CEP78: variants seen among roughly 807,000 people sequenced by gnomAD.
The protein encoded by CEP78 is centrosomal protein 78, also known as centrosomal protein of 78 kDa.
In CEP78, 76 loss-of-function variants were observed where a neutral mutation model predicts 81.2. The observed-to-expected ratio is 0.94, with a 90% confidence interval of 0.78 to 1.13. The LOEUF (loss-of-function observed/expected upper bound fraction) is 1.13, where lower values mean the gene tolerates loss of function less well. CEP78 is among the 50% of genes most tolerant of loss of function. The probability of loss-of-function intolerance (pLI) is 0.00; values close to 1 mark genes in which losing one functional copy is unlikely to be tolerated. For missense variants in CEP78, 918 were observed against 846.8 expected (o/e 1.08, Z -1.04); for synonymous variants, 293 against 301.4 (o/e 0.97, Z 0.29).
intron 11 of CEP78, among the ~76,000 whole-genome samples, chr9:78,261,043 C>T (rs1010890516): frequency 6.6e-6 from 1 of 151,958 alleles, no homozygotes; most frequent in Non-Finnish European, 1.5e-5. Context: ...CTCTGCCTCC[C>T]GGGTTCAAGT....
intron 9 of CEP78, among the ~76,000 whole-genome samples, chr9:78,252,354 A>G (rs1826805206): frequency 6.6e-6 from 1 of 152,214 alleles, no homozygotes; most frequent in African/African-American, 2.4e-5. Flanking sequence ...TATAGGGCAG[A>G]AATAGGAATT....
intron 8 of CEP78, chr9:78,250,356 A>G (rs984337268): frequency 5.0e-6 from 2 of 397,652 alleles, no homozygotes; most frequent in Admixed American, 8.8e-5. Flanking sequence ...TCACATTCAT[A>G]TTGCAATTAC....
At chr9:78,267,804 A>G (rs1827598963) in intron 16 of CEP78, among the ~76,000 whole-genome samples, 1 of 152,156 alleles carries the variant, frequency 6.6e-6, no homozygotes, top group African/African-American at 2.4e-5. Flanking sequence ...TCTTTGGAGT[A>G]AATACCCCTC....
chr9:78,261,038 C>T (rs1178834256), intron 11 of CEP78, among the ~76,000 whole-genome samples: 1 of 152,018 alleles, frequency 6.6e-6, no homozygotes. Context: ...GCAACCTCTG[C>T]CTCCCGGGTT....
chr9:78,236,276 G>T lies in CEP78; in HGVS notation c.-75G>T. On this transcript the variant is annotated 5_prime_UTR_variant, in exon 1 of 17. Coordinates refer to ENST00000643273, the MANE Select transcript of CEP78 (RefSeq NM_001330691.3). The stretch of plus-strand genomic sequence containing the variant: ...TGGCCGTGGGTGCCGGAGCGGCCGG[G>T]TTGCGACTCAGCGTTCTTGGGTGGG... 1 of 1,370,786 alleles carries T rather than the reference G, an allele frequency of 7.3e-7. No homozygotes were observed. Among genetic ancestry groups the T allele is most frequent in the Non-Finnish European group, 9.9e-7 (1 of 1,012,204 alleles). 84.9% of individuals were successfully genotyped at this position (1,370,786 alleles called of 1,614,324 possible). A position where few individuals can be genotyped will look rare whatever the true frequency, so the allele number is the denominator to read the frequency against.
chr9:78,247,396 GGAA>G lies in CEP78; in HGVS notation c.892+616_892+618del, dbSNP rs1485272199. On this transcript the variant is annotated intron_variant, in intron 6 of 16. Transcript: ENST00000643273. ...GCAGATAAAGTACCTTCCAGGATGA[GGAA>G]GCAATGAATATGTAGTTACATAGGT... Among the ~76,000 whole-genome samples, 4 of 152,272 alleles carry G rather than the reference GGAA, an allele frequency of 2.6e-5. No individual in the cohort carries two copies. The East Asian group carries it at 7.7e-4, about 29-fold the overall frequency.
intron 4 of CEP78, among the ~76,000 whole-genome samples, chr9:78,242,411 G>A (rs1376991980): frequency 6.6e-6 from 1 of 152,194 alleles, no homozygotes; most frequent in Non-Finnish European, 1.5e-5. Flanking sequence ...TCTGAAGCCA[G>A]ATGGCCTAGG....
rs1286923000 is a variant in CEP78 at position 78,243,563 on chromosome 9, T to C, written c.705T>C (p.Asn235=). 3.1e-6 allele frequency: 5 copies of C among 1,613,778 alleles called. No individual in the cohort carries two copies. The African/African-American group carries it at 6.7e-5, about 22-fold the overall frequency. ...CMAGLRRITL[N]CNTLIGDLGA... is the part of the protein sequence containing the mutation. ...CTGGCTTAAGACGTATCACACTGAA[T>C]TGCAACACACTTATTGGTGACCTAG... Residue 235 remains asparagine (N), a synonymous_variant, in exon 5 of 17, where the codon AAT becomes AAC. Coordinates refer to ENST00000643273, the MANE Select transcript of CEP78 (RefSeq NM_001330691.3).
chr9:78,246,527 G>A (rs984244305), intron 5 of CEP78, 142 bp from the exon 6 acceptor site: 18 of 440,372 alleles, frequency 4.1e-5, no homozygotes, highest in Non-Finnish European at 6.5e-5. Context: ...GTGAACCTGG[G>A]AGGCAGAGCT....
chr9:78,238,782 C>T (rs979014162), intron 1 of CEP78, among the ~76,000 whole-genome samples: 98 of 152,176 alleles, frequency 6.4e-4, no homozygotes, highest in African/African-American at 2.2e-3. Context: ...AGGCCAGGTG[C>T]GGTGGCTCAC....
intron 6 of CEP78, among the ~76,000 whole-genome samples, chr9:78,247,959 T>C (rs148349055): frequency 1.3e-5 from 2 of 152,180 alleles, no homozygotes; most frequent in African/African-American, 4.8e-5. Context: ...GTATATTAGG[T>C]GCCTTTTAAG....
intron 6 of CEP78, 106 bp downstream of exon 6, chr9:78,246,888 ACACTTTTGTAATCTTG>A (rs1166438006): frequency 3.4e-6 from 2 of 589,188 alleles, no homozygotes; most frequent in Admixed American, 7.0e-5. Context: ...CCCTAATCTT[ACACTTTTGTAATCTTG>A]CACTTTCTTA....
At position 78,254,963 on chromosome 9, in the gene CEP78, A is replaced by T; in HGVS notation, c.1379A>T (p.Gln460Leu). ...EKTSIEQEAL[Q>L]EKLEECLKQL... Reference sequence around the variant, plus strand: ...ACTAGTATAGAACAAGAAGCATTACAGGTACAAAGCTATCACTTTAAAGAT... The same window carrying T: ...ACTAGTATAGAACAAGAAGCATTACTGGTACAAAGCTATCACTTTAAAGAT... The change falls in exon 11 of 17, where the codon CAG becomes CTG. Residue 460 changes from glutamine to leucine, a missense_variant and splice_region_variant. Transcript: ENST00000643273. The T allele has an allele frequency of 1.2e-6, 2 of 1,607,320 alleles. No individual in the cohort carries two copies. The highest frequency in any genetic ancestry group is 1.7e-6 in the Non-Finnish European group (2 of 1,176,046).
intron 4 of CEP78, 103 bp from the exon 5 acceptor site, chr9:78,243,359 G>T: frequency 4.5e-6 from 4 of 897,240 alleles, no homozygotes; most frequent in Non-Finnish European, 6.6e-6. Flanking sequence ...TATGTACCTG[G>T]TGTGTGTGTA....
At chr9:78,253,470 T>C (rs955556668) in intron 10 of CEP78, 193 bp downstream of exon 10, 8 of 519,672 alleles carry the variant, frequency 1.5e-5, no homozygotes, top group Non-Finnish European at 2.8e-5. Flanking sequence ...GGAGGCCTTG[T>C]GGTTTCATCT....
chr9:78,241,171 G>T (rs916383634), intron 3 of CEP78, among the ~76,000 whole-genome samples: 5 of 152,048 alleles, frequency 3.3e-5, no homozygotes, highest in African/African-American at 4.8e-5. Flanking sequence ...TCTTGTGTTC[G>T]TTGTGTGAAA....
At chr9:78,242,205 C>T (rs1407939098) in intron 4 of CEP78, among the ~76,000 whole-genome samples, 1 of 151,968 alleles carries the variant, frequency 6.6e-6, no homozygotes, top group African/African-American at 2.4e-5. Flanking sequence ...AGCCTATCAC[C>T]TATTTTTGTA....
At chr9:78,262,074 C>T (rs1827300326) in intron 11 of CEP78, among the ~76,000 whole-genome samples, 1 of 152,136 alleles carries the variant, frequency 6.6e-6, no homozygotes, top group Non-Finnish European at 1.5e-5. Flanking sequence ...GAATGCTCTT[C>T]CACATCAGAG....
chr9:78,237,376 ACTCT>A (rs1206556658), intron 1 of CEP78, among the ~76,000 whole-genome samples: 2 of 151,930 alleles, frequency 1.3e-5, no homozygotes, highest in East Asian at 3.9e-4. Flanking sequence ...AGGGATCCAG[ACTCT>A]CTGATTATTC....
Sources: gnomAD v4.1 joint callset for allele counts (sites outside exome capture counted in the v4.1 genomes callset) on GRCh38, gnomAD v4.1.1 for gene constraint, MANE v1.5 for transcripts, NCBI Gene and HGNC (gene_info 2026-07-23, HGNC 2026-07-21) for gene names.